The following NDRG1 variants were observed in gnomAD, a reference collection of about 807,000 sequenced individuals.
The protein encoded by NDRG1 is protein NDRG1.
Under a neutral mutation model 56.9 loss-of-function variants are expected in NDRG1, and 32 were observed. The ratio of observed to expected loss-of-function variants is 0.56; its 90% CI spans 0.42 to 0.76. The LOEUF (loss-of-function observed/expected upper bound fraction) is 0.76, where lower values mean the gene tolerates loss of function less well. Among genes scored for constraint, NDRG1 ranks in the 30% least tolerant of loss-of-function variants. The probability of loss-of-function intolerance (pLI) is 0.00; values close to 1 mark genes in which losing one functional copy is unlikely to be tolerated. For missense variants in NDRG1, 507 were observed against 545.7 expected (o/e 0.93, Z 0.71); for synonymous variants, 211 against 204.1 (o/e 1.03, Z -0.29).
At chr8:133,244,525 G>A (rs907785532) in intron 13 of NDRG1, 135 bp from the exon 14 acceptor site, 1 of 1,013,832 alleles carries the variant, frequency 9.9e-7, no homozygotes, top group Non-Finnish European at 1.5e-6. Context: ...GGAGGAACAG[G>A]GTGGACCGTG....
In NDRG1 at chr8:133,259,605, T is replaced by G. The variant is rs180788205; in HGVS notation, c.327-375A>C. ...GAAACATGTCCTCACTGTGTTTGTC[T>G]GGTTTTGGGTCTAGGGTGTTGCAGA... is the stretch of plus-strand genomic sequence containing the variant. On this transcript the variant is annotated intron_variant, in intron 5 of 15. Transcript: ENST00000323851. Among the ~76,000 whole-genome samples the G allele has an allele frequency of 4.5e-4, 68 of 152,338 alleles. No homozygotes were observed. In the Middle Eastern group the frequency reaches 0.01, roughly 23 times the overall value.
intron 9 of NDRG1, among the ~76,000 whole-genome samples, chr8:133,252,360 G>A (rs1372482514): frequency 6.6e-6 from 1 of 152,190 alleles, no homozygotes; most frequent in Non-Finnish European, 1.5e-5. Flanking sequence ...CTCCCAAAGT[G>A]CTGGGATTAT....
chr8:133,247,848 CA>C, intron 12 of NDRG1, 26 bp downstream of exon 12: 1 of 1,612,794 alleles, frequency 6.2e-7, no homozygotes, highest in Non-Finnish European at 8.5e-7. Context: ...GAATTAAACA[CA>C]GAAATCAGCT....
chr8:133,267,580 G>A lies in NDRG1; in HGVS notation c.100-2928C>T, dbSNP rs369118386. 3.3e-5 allele frequency among the ~76,000 whole-genome samples: 5 copies of A among 152,282 alleles called. No individual in the cohort carries two copies. The East Asian group carries it at 7.7e-4, about 24-fold the overall frequency. On this transcript the variant is annotated intron_variant, in intron 3 of 15. Transcript: ENST00000323851. ...GCAGTGGCCCAGCTTCCAGGGGGCC[G>A]GAGATCATCTGCTGGGCCCAGCCCA... is the stretch of plus-strand genomic sequence containing the variant.
intron 8 of NDRG1, 135 bp downstream of exon 8, chr8:133,256,642 G>T: frequency 2.5e-6 from 2 of 793,686 alleles, no homozygotes; most frequent in South Asian, 1.5e-5. Flanking sequence ...GAGGGAACTG[G>T]AGTGGGCAGT....
At chr8:133,243,030 C>T (rs1855471748) in intron 14 of NDRG1, among the ~76,000 whole-genome samples, 1 of 152,186 alleles carries the variant, frequency 6.6e-6, no homozygotes, top group Admixed American at 6.5e-5. Context: ...ATATCAAGGG[C>T]ATACGTGCAA....
chr8:133,250,297 C>T (rs1855941549), intron 10 of NDRG1, 143 bp downstream of exon 10: 1 of 801,508 alleles, frequency 1.2e-6, no homozygotes, highest in Non-Finnish European at 2.2e-6. Flanking sequence ...CCTGGGGACA[C>T]CTGTCCTATT....
chr8:133,296,729 A>ACACT, intron 1 of NDRG1: 1 of 272,960 alleles, frequency 3.7e-6, no homozygotes, highest in Admixed American at 4.3e-5. Context: ...ACACACACAC[A>ACACT]CACTCACCTA....
At chr8:133,255,502 T>C (rs1056379680) in intron 8 of NDRG1, 4 of 404,984 alleles carry the variant, frequency 9.9e-6, no homozygotes, top group Non-Finnish European at 2.0e-5. Context: ...TAGCCAGTGG[T>C]CGACATCCCC....
intron 4 of NDRG1, among the ~76,000 whole-genome samples, chr8:133,264,338 C>T (rs1173238173): frequency 1.3e-5 from 2 of 152,242 alleles, no homozygotes; most frequent in African/African-American, 2.4e-5. Flanking sequence ...GTGTTCCCAG[C>T]GCCTCCGGGC....
chr8:133,294,615 G>A (rs911881455), intron 1 of NDRG1, among the ~76,000 whole-genome samples: 8 of 151,848 alleles, frequency 5.3e-5, no homozygotes, highest in East Asian at 1.9e-4. Flanking sequence ...TCAGGCCAGC[G>A]GATTTCAACG....
intron 4 of NDRG1, among the ~76,000 whole-genome samples, chr8:133,264,339 G>A (rs746547087): frequency 2.0e-5 from 3 of 152,206 alleles, no homozygotes; most frequent in East Asian, 1.9e-4. Flanking sequence ...TGTTCCCAGC[G>A]CCTCCGGGCA....
chr8:133,275,501 T>C (rs766452607), intron 3 of NDRG1, among the ~76,000 whole-genome samples: 5 of 152,136 alleles, frequency 3.3e-5, no homozygotes, highest in African/African-American at 4.8e-5. Flanking sequence ...CCCAGTCTCT[T>C]TGTCACGTGA....
chr8:133,277,710 C>A (rs964930006), intron 3 of NDRG1, among the ~76,000 whole-genome samples: 2 of 152,206 alleles, frequency 1.3e-5, no homozygotes, highest in Non-Finnish European at 2.9e-5. Flanking sequence ...TATGTTTCCA[C>A]AACAGCAAAA....
chr8:133,272,006 T>C (rs988919842), intron 3 of NDRG1, among the ~76,000 whole-genome samples: 7 of 152,050 alleles, frequency 4.6e-5, no homozygotes, highest in Non-Finnish European at 8.8e-5. Context: ...AGAATTAAGA[T>C]TCAAGATAGA....
chr8:133,250,327 A>G, intron 10 of NDRG1, 113 bp downstream of exon 10: 2 of 1,011,428 alleles, frequency 2.0e-6, no homozygotes, highest in Non-Finnish European at 3.2e-6. Flanking sequence ...GCTCAAACTC[A>G]GAGCCTGCCT....
intron 4 of NDRG1, among the ~76,000 whole-genome samples, chr8:133,262,856 A>G (rs1445171835): frequency 1.3e-5 from 2 of 152,132 alleles, no homozygotes; most frequent in South Asian, 2.1e-4. Context: ...CTCTTCTCTC[A>G]TCTACCTGCC....
At chr8:133,279,766 G>A (rs532529958) in intron 3 of NDRG1, among the ~76,000 whole-genome samples, 21 of 152,340 alleles carry the variant, frequency 1.4e-4, no homozygotes, top group African/African-American at 4.8e-4. Flanking sequence ...CTTGGACACA[G>A]CTGAGGTGCA....
chr8:133,256,684 G>C, intron 8 of NDRG1, 93 bp downstream of exon 8: 1 of 1,214,196 alleles, frequency 8.2e-7, no homozygotes, highest in Middle Eastern at 2.6e-4. Flanking sequence ...TAAAGAGAGA[G>C]CTCGTAGCTC....
Sources: allele counts gnomAD v4.1 joint callset (sites outside exome capture counted in the v4.1 genomes callset), GRCh38; gene constraint gnomAD v4.1.1; transcripts MANE v1.5; gene names NCBI Gene and HGNC (gene_info 2026-07-23, HGNC 2026-07-21).